Variants in GRM1 observed in about 807,000 individuals in gnomAD.
The protein encoded by GRM1 is glutamate metabotropic receptor 1, also known as metabotropic glutamate receptor 1.
GRM1 carries 33 observed loss-of-function variants against 90.9 expected under a neutral mutation model. The ratio of observed to expected loss-of-function variants is 0.36; its 90% CI spans 0.28 to 0.49. The LOEUF is 0.49. Among genes scored for constraint, GRM1 ranks in the 20% least tolerant of loss-of-function variants. The pLI, the probability that GRM1 is intolerant of heterozygous loss-of-function variation, is 0.99. For missense variants in GRM1, 1,190 were observed against 1,534.3 expected (o/e 0.78, Z 3.75); for synonymous variants, 700 against 613.2 (o/e 1.14, Z -2.09).
intron 2 of GRM1, among the ~76,000 whole-genome samples, chr6:146,298,293 T>G (rs948933390): frequency 1.3e-5 from 2 of 152,176 alleles, no homozygotes; most frequent in African/African-American, 4.8e-5. Flanking sequence ...TTTACAGAAA[T>G]TGTGCATAGC....
At chr6:146,225,780 A>AATAAT (rs1193260974) in intron 2 of GRM1, among the ~76,000 whole-genome samples, 1 of 152,128 alleles carries the variant, frequency 6.6e-6, no homozygotes, top group Admixed American at 6.6e-5. Context: ...ATGTTCATCA[A>AATAAT]AATAATAGAA....
At chr6:146,283,486 T>C (rs1410347265) in intron 2 of GRM1, among the ~76,000 whole-genome samples, 1 of 152,182 alleles carries the variant, frequency 6.6e-6, no homozygotes, top group Non-Finnish European at 1.5e-5. Context: ...CAAGTTTTGC[T>C]CTCATTAGTC....
At chr6:146,123,839 C>A (rs980614582) in intron 1 of GRM1, among the ~76,000 whole-genome samples, 2 of 152,156 alleles carry the variant, frequency 1.3e-5, no homozygotes, top group Admixed American at 1.3e-4. Flanking sequence ...AGGTTTCTAG[C>A]GCTACCATGG....
chr6:146,293,633 A>T (rs1388407200), intron 2 of GRM1, among the ~76,000 whole-genome samples: 1 of 151,892 alleles, frequency 6.6e-6, no homozygotes, highest in Non-Finnish European at 1.5e-5. Flanking sequence ...TAATATCCTC[A>T]GTTGGAGAAT....
At chr6:146,229,809 T>C (rs142314717) in intron 2 of GRM1, among the ~76,000 whole-genome samples, 1 of 152,182 alleles carries the variant, frequency 6.6e-6, no homozygotes, top group Non-Finnish European at 1.5e-5. Flanking sequence ...CTAAGACTTA[T>C]ATACACACTT....
intron 3 of GRM1, among the ~76,000 whole-genome samples, chr6:146,309,131 G>A (rs1052428644): frequency 6.6e-6 from 1 of 152,084 alleles, no homozygotes. Flanking sequence ...GGGCATGGTG[G>A]CTCATGCCTG....
Position 146,437,544 on chromosome 6 carries a change from T to TTA in GRM1, c.*2748_*2749insTA, listed in dbSNP as rs926582441. On this transcript the variant is annotated 3_prime_UTR_variant, in exon 8 of 8. Transcript: ENST00000282753. ...AATGTGTTTTCCTTCGGCTTGTTACTGCCTTTTGTCAAATAATCTTGACAA... is the reference window on the plus strand; with the variant it reads ...AATGTGTTTTCCTTCGGCTTGTTACTTAGCCTTTTGTCAAATAATCTTGACAA... The TTA allele has an allele frequency of 1.5e-4, 23 of 152,808 alleles. No individual in the cohort carries two copies. The highest frequency in any genetic ancestry group is 5.5e-4 in the African/African-American group (23 of 41,592). 9.5% of individuals were successfully genotyped at this position (152,808 alleles called of 1,614,324 possible). A position where few individuals can be genotyped will look rare whatever the true frequency, so the allele number is the denominator to read the frequency against.
At chr6:146,267,732 T>C (rs1165335247) in intron 2 of GRM1, among the ~76,000 whole-genome samples, 2 of 150,312 alleles carry the variant, frequency 1.3e-5, no homozygotes, top group African/African-American at 2.4e-5. Flanking sequence ...TCTCGTCTCG[T>C]CTCGTCTCGT....
At chr6:146,326,349 A>G (rs997061674) in intron 3 of GRM1, among the ~76,000 whole-genome samples, 3 of 152,196 alleles carry the variant, frequency 2.0e-5, no homozygotes, top group African/African-American at 7.2e-5. Context: ...ATAGAAAACC[A>G]AATACCACAT....
chr6:146,317,421 G>A (rs1303093747), intron 3 of GRM1, among the ~76,000 whole-genome samples: 1 of 152,110 alleles, frequency 6.6e-6, no homozygotes, highest in Non-Finnish European at 1.5e-5. Flanking sequence ...GAATAATTAT[G>A]TCCTTTTAGA....
At chr6:146,212,073 G>A (rs1288202452) in intron 2 of GRM1, among the ~76,000 whole-genome samples, 1 of 152,186 alleles carries the variant, frequency 6.6e-6, no homozygotes, top group Non-Finnish European at 1.5e-5. Flanking sequence ...CATCAGGGAA[G>A]CCTCAACTCT....
intron 2 of GRM1, among the ~76,000 whole-genome samples, chr6:146,249,812 A>C (rs952503038): frequency 3.3e-5 from 5 of 152,122 alleles, no homozygotes; most frequent in Admixed American, 3.3e-4. Context: ...GAAGCACTCA[A>C]TGCCAGCCCA....
At chr6:146,216,368 T>C (rs1393608477) in intron 2 of GRM1, among the ~76,000 whole-genome samples, 1 of 152,206 alleles carries the variant, frequency 6.6e-6, no homozygotes, top group Non-Finnish European at 1.5e-5. Context: ...AGTTTATAAA[T>C]CTGAAATAGA....
At chr6:146,201,764 A>G (rs1293358145) in intron 2 of GRM1, among the ~76,000 whole-genome samples, 1 of 152,202 alleles carries the variant, frequency 6.6e-6, no homozygotes, top group East Asian at 1.9e-4. Context: ...ACCACTTTAC[A>G]AGTGAAGAGG....
intron 5 of GRM1, among the ~76,000 whole-genome samples, chr6:146,372,808 A>T (rs1775951835): frequency 6.6e-6 from 1 of 151,870 alleles, no homozygotes; most frequent in Non-Finnish European, 1.5e-5. Flanking sequence ...TATTCTGATG[A>T]ATTGGTCTAT....
intron 1 of GRM1, among the ~76,000 whole-genome samples, chr6:146,139,966 C>G (rs563466020): frequency 9.4e-6 from 1 of 106,930 alleles, no homozygotes; most frequent in African/African-American, 4.3e-5. Context: ...CCTTCCCTTC[C>G]CTTCCCTCCG....
intron 1 of GRM1, among the ~76,000 whole-genome samples, chr6:146,096,209 A>G (rs901886314): frequency 6.6e-6 from 1 of 152,182 alleles, no homozygotes; most frequent in Non-Finnish European, 1.5e-5. Context: ...AAACCTGCAC[A>G]CATTTAATGT....
intron 1 of GRM1, among the ~76,000 whole-genome samples, chr6:146,031,410 A>G (rs1392353747): frequency 6.6e-6 from 1 of 152,196 alleles, no homozygotes; most frequent in African/African-American, 2.4e-5. Flanking sequence ...CATAATATTC[A>G]GTTACTGGCG....
At chr6:146,093,483 T>C (rs1455403275) in intron 1 of GRM1, among the ~76,000 whole-genome samples, 1 of 152,094 alleles carries the variant, frequency 6.6e-6, no homozygotes, top group African/African-American at 2.4e-5. Context: ...GATGCATAGC[T>C]CAAAAACAGC....
Sources: gnomAD v4.1 joint callset for allele counts (sites outside exome capture counted in the v4.1 genomes callset) on GRCh38, gnomAD v4.1.1 for gene constraint, MANE v1.5 for transcripts, NCBI Gene and HGNC (gene_info 2026-07-23, HGNC 2026-07-21) for gene names.